The following GRIK4 variants were observed in gnomAD, a reference collection of about 807,000 sequenced individuals.
GRIK4 encodes the protein glutamate ionotropic receptor kainate type subunit 4.
Under a neutral mutation model 104.9 loss-of-function variants are expected in GRIK4, and 40 were observed. The observed-to-expected ratio is 0.38, with a 90% CI of 0.30 to 0.50. GRIK4 has a LOEUF of 0.50. Ranked by LOEUF, GRIK4 falls within the 20% of genes least tolerant of loss-of-function variation. The pLI is 0.93. For missense variants in GRIK4, 1,047 were observed against 1,308.1 expected, an observed-to-expected ratio of 0.80 and a Z score of 3.08; for synonymous variants, 485 against 524.9, an observed-to-expected ratio of 0.92 and a Z score of 1.04.
At chr11:120,658,160 T>A (rs1393130507) in intron 2 of GRIK4, among the ~76,000 whole-genome samples, 2 of 152,104 alleles carry the variant, frequency 1.3e-5, no homozygotes, top group African/African-American at 2.4e-5. Flanking sequence ...ACCAGTCTTT[T>A]TTTTTGCTAA....
At position 120,549,873 on chromosome 11, in the gene GRIK4, G is replaced by A. The variant is rs746702621; in HGVS notation, c.-159+37986G>A. On this transcript the variant is annotated intron_variant, in intron 1 of 20. Coordinates refer to ENST00000527524, the MANE Select transcript of GRIK4 (RefSeq NM_014619.5). This position sits in a 1 kb window ranked among gnomAD's most constrained non-coding sequence, Gnocchi z 4.7. ...CCCTTAGAAAAAGGCTATGCTGGAT[G>A]TTGAGATGTGAACCTGCGAGGTAGA... 1.3e-5 allele frequency among the ~76,000 whole-genome samples: 2 copies of A among 152,214 alleles called. No individual in the cohort carries two copies. The highest frequency in any genetic ancestry group is 2.9e-5 in the Non-Finnish European group (2 of 68,036).
intron 1 of GRIK4, among the ~76,000 whole-genome samples, chr11:120,629,761 G>A (rs980535158): frequency 2.6e-5 from 4 of 152,202 alleles, no homozygotes; most frequent in Admixed American, 2.0e-4. Context: ...TCCTTCCAGC[G>A]GCTCCCCATG....
intron 4 of GRIK4, among the ~76,000 whole-genome samples, chr11:120,809,471 A>G (rs1952783451): frequency 6.6e-6 from 1 of 152,200 alleles, no homozygotes; most frequent in African/African-American, 2.4e-5. Context: ...GGCACCCTTC[A>G]TAGGGAACGA....
intron 3 of GRIK4, among the ~76,000 whole-genome samples, chr11:120,796,277 C>T (rs573432700): frequency 5.9e-5 from 9 of 152,162 alleles, no homozygotes; most frequent in Admixed American, 3.3e-4. Flanking sequence ...CCTCGTGATC[C>T]GCCCGCCTCA....
intron 3 of GRIK4, among the ~76,000 whole-genome samples, chr11:120,747,741 A>G (rs1951470091): frequency 6.6e-6 from 1 of 152,218 alleles, no homozygotes; most frequent in Non-Finnish European, 1.5e-5. Context: ...TGTGGTTAAT[A>G]TTGTGAACAT....
At chr11:120,877,450 T>A (rs1437367805) in intron 11 of GRIK4, among the ~76,000 whole-genome samples, 2 of 152,160 alleles carry the variant, frequency 1.3e-5, no homozygotes, top group African/African-American at 2.4e-5. Flanking sequence ...AGGCTCCTAA[T>A]TCCCTGAATA....
chr11:120,896,402 A>T (rs540286999), intron 11 of GRIK4, among the ~76,000 whole-genome samples: 1 of 152,354 alleles, frequency 6.6e-6, no homozygotes, highest in South Asian at 2.1e-4. Flanking sequence ...CTGAAAAGGA[A>T]CATGAACACA....
intron 3 of GRIK4, among the ~76,000 whole-genome samples, chr11:120,768,279 T>C (rs1951873894): frequency 6.6e-6 from 1 of 152,168 alleles, no homozygotes; most frequent in Non-Finnish European, 1.5e-5. Flanking sequence ...CTTGATTACA[T>C]TTATTCCTAG....
At position 120,905,067 on chromosome 11, in the gene GRIK4, A is replaced by G. The variant is rs1289959145; in HGVS notation, c.1273-223A>G. Among the ~76,000 whole-genome samples the G allele has an allele frequency of 6.6e-6, 1 of 152,178 alleles. No homozygotes were observed. Among genetic ancestry groups the G allele is most frequent in the Non-Finnish European group, 1.5e-5 (1 of 68,034 alleles). On this transcript the variant is annotated intron_variant, in intron 12 of 20. Coordinates refer to ENST00000527524, the MANE Select transcript of GRIK4 (RefSeq NM_014619.5). The surrounding 1 kb of genome is among the most constrained non-coding windows in gnomAD (Gnocchi z 5.1). The stretch of plus-strand genomic sequence containing the variant: ...GAGCCTGACCCTCCATGCAGTGGGA[A>G]CCACTGTGTGTTCCTGACAACAGAA...
chr11:120,664,483 C>T (rs1949870940), intron 3 of GRIK4, among the ~76,000 whole-genome samples: 1 of 152,226 alleles, frequency 6.6e-6, no homozygotes, highest in African/African-American at 2.4e-5. Context: ...CCCCATATCT[C>T]ACCCAGTTTC....
chr11:120,961,987 C>T (rs1431197516), intron 17 of GRIK4, among the ~76,000 whole-genome samples: 1 of 152,106 alleles, frequency 6.6e-6, no homozygotes, highest in Non-Finnish European at 1.5e-5. Flanking sequence ...TGTGATTGAT[C>T]AATTGGTTTA....
rs577639507 is a variant in GRIK4 at position 120,904,528 on chromosome 11, G to A, written c.1273-762G>A. 1.5e-4 allele frequency among the ~76,000 whole-genome samples: 23 copies of A among 152,310 alleles called. 1 individual carries two copies. The South Asian group carries it at 4.8e-3, about 32-fold the overall frequency. ...TACTACTTAGTATTCCTTACTCGCAGCCTTGCGTCTTTAAAACGCTTGATG... is the reference window on the plus strand; with the variant it reads ...TACTACTTAGTATTCCTTACTCGCAACCTTGCGTCTTTAAAACGCTTGATG... On this transcript the variant is annotated intron_variant, in intron 12 of 20. Transcript: ENST00000527524.
intron 13 of GRIK4, among the ~76,000 whole-genome samples, chr11:120,922,214 C>T (rs912643939): frequency 1.3e-5 from 2 of 152,178 alleles, no homozygotes; most frequent in East Asian, 3.9e-4. Context: ...TATATTGCCC[C>T]CATTTTATAG....
chr11:120,944,085 A>T (rs1405256465), intron 14 of GRIK4, among the ~76,000 whole-genome samples: 2 of 152,204 alleles, frequency 1.3e-5, no homozygotes, highest in East Asian at 3.9e-4. Context: ...AGGCTGGCTG[A>T]GGAGTCTGGC....
intron 9 of GRIK4, among the ~76,000 whole-genome samples, chr11:120,865,090 A>G (rs556926703): frequency 2.3e-4 from 35 of 152,360 alleles, no homozygotes; most frequent in Middle Eastern, 3.4e-3. Context: ...TATATGCCAG[A>G]TGCTGGAATA....
intron 3 of GRIK4, among the ~76,000 whole-genome samples, chr11:120,678,792 C>T (rs1018464360): frequency 3.9e-5 from 6 of 152,026 alleles, no homozygotes; most frequent in African/African-American, 1.4e-4. Context: ...TGCCACCACA[C>T]CTGGTTAATT....
intron 14 of GRIK4, among the ~76,000 whole-genome samples, chr11:120,944,725 C>T (rs1449907902): frequency 6.6e-6 from 1 of 152,228 alleles, no homozygotes. Flanking sequence ...TCATTATAAG[C>T]ATTCACTAAG....
chr11:120,978,821 T>C (rs1944604303), intron 19 of GRIK4, among the ~76,000 whole-genome samples: 1 of 151,256 alleles, frequency 6.6e-6, no homozygotes, highest in Admixed American at 6.6e-5. Flanking sequence ...TCAAAGGAGA[T>C]TGAGGAGATT....
intron 3 of GRIK4, among the ~76,000 whole-genome samples, chr11:120,759,754 A>G (rs1951714996): frequency 6.6e-6 from 1 of 152,142 alleles, no homozygotes; most frequent in Non-Finnish European, 1.5e-5. Context: ...GAGTTTTTCC[A>G]TGAAGGGCCA....
Sources: gnomAD v4.1 joint callset for allele counts (sites outside exome capture counted in the v4.1 genomes callset) on GRCh38, gnomAD v4.1.1 for gene constraint, Gnocchi (gnomAD v3.1) non-coding constraint, MANE v1.5 for transcripts, NCBI Gene and HGNC (gene_info 2026-07-23, HGNC 2026-07-21) for gene names.